ARL8B: variants seen among roughly 807,000 people sequenced by gnomAD.
ARL8B encodes ADP-ribosylation factor-like protein 8B.
Under a neutral mutation model 30.6 loss-of-function variants are expected in ARL8B, and 9 were observed. The ratio of observed to expected loss-of-function variants is 0.29; its 90% CI spans 0.18 to 0.51. The LOEUF (loss-of-function observed/expected upper bound fraction) is 0.51, where lower values mean the gene tolerates loss of function less well. ARL8B is among the 20% of genes least tolerant of loss of function. ARL8B has a pLI of 0.97. For missense variants in ARL8B, 130 were observed against 227.2 expected (o/e 0.57, Z 2.75); for synonymous variants, 74 against 76.0 (o/e 0.97, Z 0.14).
intron 1 of ARL8B, among the ~76,000 whole-genome samples, chr3:5,134,242 A>G (rs2054306804): frequency 6.6e-6 from 1 of 152,198 alleles, no homozygotes. Flanking sequence ...TGTTTCGGAC[A>G]CAAGGACTAG....
intron 1 of ARL8B, among the ~76,000 whole-genome samples, chr3:5,135,968 A>G (rs1575560728): frequency 6.7e-6 from 1 of 150,362 alleles, no homozygotes; most frequent in Admixed American, 6.7e-5. Context: ...TTTGTATTTT[A>G]GTAGAGACGG....
intron 1 of ARL8B, among the ~76,000 whole-genome samples, chr3:5,165,165 A>T (rs2054613648): frequency 6.6e-6 from 1 of 152,220 alleles, no homozygotes; most frequent in African/African-American, 2.4e-5. Flanking sequence ...GTGGGGATAC[A>T]CTTTCAGACT....
chr3:5,149,729 T>C (rs998869618), intron 1 of ARL8B, among the ~76,000 whole-genome samples: 5 of 152,340 alleles, frequency 3.3e-5, no homozygotes, highest in Admixed American at 2.6e-4. Context: ...TCTAGGTGCA[T>C]GAGCTGTGCA....
At chr3:5,133,235 C>T (rs1405486288) in intron 1 of ARL8B, among the ~76,000 whole-genome samples, 1 of 152,148 alleles carries the variant, frequency 6.6e-6, no homozygotes, top group Non-Finnish European at 1.5e-5. Context: ...CAGTCAGCTC[C>T]CACAGGGCCT....
chr3:5,167,896 T>C (rs1054706380), intron 1 of ARL8B, among the ~76,000 whole-genome samples: 1 of 152,216 alleles, frequency 6.6e-6, no homozygotes, highest in Non-Finnish European at 1.5e-5. Flanking sequence ...TGAGTGGTTA[T>C]AGTTGTTCAA....
At chr3:5,129,535 AC>A (rs1227580744) in intron 1 of ARL8B, among the ~76,000 whole-genome samples, 1 of 151,944 alleles carries the variant, frequency 6.6e-6, no homozygotes, top group East Asian at 1.9e-4. Flanking sequence ...AAGACTGATA[AC>A]TATAGAGAAC....
intron 1 of ARL8B, among the ~76,000 whole-genome samples, chr3:5,134,908 C>T (rs761750282): frequency 2.4e-4 from 36 of 152,114 alleles, no homozygotes; most frequent in Admixed American, 8.5e-4. Flanking sequence ...AGTACAGTGG[C>T]ATGATCTCAG....
rs1037110091 is a variant in ARL8B at position 5,180,111 on chromosome 3, T to C, written c.*1398T>C. 1.3e-5 allele frequency: 2 copies of C among 152,694 alleles called. No homozygotes were observed. The highest frequency in any genetic ancestry group is 2.4e-5 in the African/African-American group (1 of 41,466). 9.5% of individuals were successfully genotyped at this position (152,694 alleles called of 1,614,324 possible). ...TGTTTCTTTTGTTAAGCAGCACTTA[T>C]GTAGACTGCATTTCCAAATGTGTTG... On this transcript the variant is annotated 3_prime_UTR_variant, in exon 7 of 7. Transcript: ENST00000256496.
intron 1 of ARL8B, among the ~76,000 whole-genome samples, chr3:5,151,486 C>T (rs2054483401): frequency 6.6e-6 from 1 of 152,130 alleles, no homozygotes; most frequent in South Asian, 2.1e-4. Flanking sequence ...CTTCTGAGCA[C>T]TGATTAGCTG....
intron 1 of ARL8B, among the ~76,000 whole-genome samples, chr3:5,143,182 G>A (rs149456533): frequency 6.6e-6 from 1 of 152,292 alleles, no homozygotes; most frequent in East Asian, 1.9e-4. Flanking sequence ...TGGTTACATA[G>A]ATTACAAACC....
At chr3:5,178,350 CTTTTTTTTTTTTT>C (rs376669879) in intron 6 of ARL8B, among the ~76,000 whole-genome samples, 3 of 115,318 alleles carry the variant, frequency 2.6e-5, no homozygotes, top group African/African-American at 9.8e-5. Flanking sequence ...GGGGTTATTC[CTTTTTTTTTTTTT>C]TTTTTTTTGC....
chr3:5,162,405 T>TC (rs1559283932), intron 1 of ARL8B, among the ~76,000 whole-genome samples: 1 of 152,230 alleles, frequency 6.6e-6, no homozygotes, highest in Non-Finnish European at 1.5e-5. Flanking sequence ...GCTAGTGTTT[T>TC]TGGAAGAGTT....
At chr3:5,124,929 T>C (rs1385250179) in intron 1 of ARL8B, among the ~76,000 whole-genome samples, 1 of 152,252 alleles carries the variant, frequency 6.6e-6, no homozygotes, top group Non-Finnish European at 1.5e-5. Context: ...GGTGTATTAA[T>C]ACAGCCAGTT....
chr3:5,135,141 G>A (rs546346226), intron 1 of ARL8B, among the ~76,000 whole-genome samples: 2 of 152,016 alleles, frequency 1.3e-5, no homozygotes, highest in Admixed American at 6.5e-5. Flanking sequence ...GAGCCACTGC[G>A]CCTGGCCTAC....
chr3:5,147,418 G>A (rs2054429616), intron 1 of ARL8B, among the ~76,000 whole-genome samples: 1 of 152,038 alleles, frequency 6.6e-6, no homozygotes, highest in South Asian at 2.1e-4. Context: ...TTGGACATTT[G>A]GGTTGGTTCC....
rs1559287160 is a variant in ARL8B at position 5,174,329 on chromosome 3, T to C, written c.441-15T>C. The C allele has an allele frequency of 2.5e-6, 4 of 1,571,270 alleles. No homozygotes were observed. The highest frequency in any genetic ancestry group is 3.5e-6 in the Non-Finnish European group (4 of 1,141,636). Reference sequence around the variant, plus strand: ...TGTTCTAAGCACAGACTTATCCTTTTAATTCTTCTCATAGGAATCTGTCTG... The same window carrying C: ...TGTTCTAAGCACAGACTTATCCTTTCAATTCTTCTCATAGGAATCTGTCTG... On this transcript the variant is annotated splice_polypyrimidine_tract_variant and intron_variant, in intron 5 of 6. Coordinates refer to ENST00000256496, the MANE Select transcript of ARL8B (RefSeq NM_018184.3).
At chr3:5,141,636 C>A (rs998215502) in intron 1 of ARL8B, among the ~76,000 whole-genome samples, 1 of 152,166 alleles carries the variant, frequency 6.6e-6, no homozygotes, top group Non-Finnish European at 1.5e-5. Flanking sequence ...CATTTTCTGC[C>A]TGTTCGTTGG....
rs2054766882 is a variant in ARL8B, at chr3:5,180,247, A to G, written c.*1534A>G. ...TACAATATACTGCACTGTGTTGCACAGACACTACTTGCTTTTCTCCATTCA... is the reference window on the plus strand; with the variant it reads ...TACAATATACTGCACTGTGTTGCACGGACACTACTTGCTTTTCTCCATTCA... On this transcript the variant is annotated 3_prime_UTR_variant, in exon 7 of 7. Coordinates refer to ENST00000256496, the MANE Select transcript of ARL8B (RefSeq NM_018184.3). 1 of 152,680 alleles carries G rather than the reference A, an allele frequency of 6.5e-6. No homozygotes were observed. The highest frequency in any genetic ancestry group is 6.5e-5 in the Admixed American group (1 of 15,284). The allele number at this position is 152,680 out of a possible 1,614,324, so 9.5% of individuals were successfully genotyped here. A position where few individuals can be genotyped will look rare whatever the true frequency, so the allele number is the denominator to read the frequency against.
chr3:5,139,678 A>C (rs2054355337), intron 1 of ARL8B, among the ~76,000 whole-genome samples: 1 of 152,224 alleles, frequency 6.6e-6, no homozygotes, highest in Non-Finnish European at 1.5e-5. Flanking sequence ...CCCTGGAAGT[A>C]GAATGAGGCA....
Sources: gnomAD v4.1 joint callset for allele counts (sites outside exome capture counted in the v4.1 genomes callset) on GRCh38, gnomAD v4.1.1 for gene constraint, MANE v1.5 for transcripts, NCBI Gene and HGNC (gene_info 2026-07-23, HGNC 2026-07-21) for gene names.